The following TERF2 variants were observed in gnomAD, a reference collection of about 807,000 sequenced individuals.
TERF2 encodes telomeric repeat binding factor 2.
In TERF2, 16 loss-of-function variants were observed where a neutral mutation model predicts 56.1. The observed-to-expected ratio is 0.29, with a 90% CI of 0.19 to 0.43. TERF2 has a LOEUF of 0.43. Among genes scored for constraint, TERF2 ranks in the 20% least tolerant of loss-of-function variants. The probability of loss-of-function intolerance (pLI) is 1.00; values close to 1 mark genes in which losing one functional copy is unlikely to be tolerated. For synonymous variants in TERF2, 296 were observed against 282.1 expected (o/e 1.05, Z -0.50); for missense variants, 547 against 712.9 (o/e 0.77, Z 2.65).
At chr16:69,373,147 A>C (rs2013640088) in intron 3 of TERF2, among the ~76,000 whole-genome samples, 1 of 152,212 alleles carries the variant, frequency 6.6e-6, no homozygotes, top group Non-Finnish European at 1.5e-5. Context: ...GTTCTGTAGG[A>C]GAATGAAGGG....
chr16:69,370,570 G>T lies in TERF2; in HGVS notation c.753C>A (p.Ile251=). ...IREKNLAHPV[I]QNFSYETFQQ... ...GGAAGGTCTCATATGAAAAGTTCTG[G>T]ATAACAGGATGGGCCAAGTTCTTTT... The change falls in exon 5 of 10, where the codon ATC becomes ATA. Residue 251 remains isoleucine, a synonymous_variant. Transcript: ENST00000254942. 1 of 1,614,108 alleles carries T rather than the reference G, an allele frequency of 6.2e-7. No individual in the cohort carries two copies. The highest frequency in any genetic ancestry group is 1.7e-4 in the Middle Eastern group (1 of 6,044).
At chr16:69,380,005 C>T (rs1160281940) in intron 3 of TERF2, among the ~76,000 whole-genome samples, 1 of 152,020 alleles carries the variant, frequency 6.6e-6, no homozygotes, top group African/African-American at 2.4e-5. Flanking sequence ...TCCTCGCCTC[C>T]TGGGTTCAAG....
At chr16:69,357,476 C>G (rs1475250584) in intron 9 of TERF2, 42 bp downstream of exon 9, 4 of 1,566,436 alleles carry the variant, frequency 2.6e-6, no homozygotes, top group Non-Finnish European at 3.5e-6. Context: ...TACCTCTGCT[C>G]TACCCACATA....
rs965670502 is a variant in TERF2 at position 69,367,067 on chromosome 16, T to G, written c.1080A>C (p.Gln360His). The change falls in exon 7 of 10, where the codon CAA becomes CAC. Residue 360 changes from glutamine (Q) to histidine (H), a missense_variant. This residue lies in a region of TERF2 where 211 missense variants were observed against 236.8 expected (regional missense o/e 0.89). Coordinates refer to ENST00000254942, the MANE Select transcript of TERF2 (RefSeq NM_005652.5). ...LDQKDLVLPT[Q>H]ALPASPALKN... ...TGAGGGCTGGTGATGCTGGGAGAGC[T>G]TGAGTAGGAAGAACCAGATCCTTCT... 2.5e-6 allele frequency: 4 copies of G among 1,614,034 alleles called. No individual in the cohort carries two copies. Among genetic ancestry groups the G allele is most frequent in the African/African-American group, 1.3e-5 (1 of 74,920 alleles).
chr16:69,366,967 G>C lies in TERF2; in HGVS notation c.1180C>G (p.Pro394Ala). ...CTTATTGTCATGCGCTTGTTCTTGG[G>C]CTGCAGTTCCGAGCCACCCTCACCG... The part of the protein sequence containing the change: ...ADGEGGSELQ[P>A]KNKRMTISRL... Residue 394 changes from proline to alanine, a missense_variant, in exon 7 of 10, where the codon CCC (proline) becomes GCC (alanine). Pro to Ala is a conservative substitution (Grantham distance 27). Coordinates refer to ENST00000254942, the MANE Select transcript of TERF2 (RefSeq NM_005652.5). The C allele has an allele frequency of 6.2e-7, 1 of 1,614,196 alleles. No homozygotes were observed. Among genetic ancestry groups the C allele is most frequent in the Non-Finnish European group, 8.5e-7 (1 of 1,180,040 alleles).
intron 2 of TERF2, 73 bp from the exon 3 acceptor site, chr16:69,384,783 T>C (rs1451561663): frequency 7.5e-6 from 10 of 1,337,580 alleles, no homozygotes; most frequent in Non-Finnish European, 1.0e-5. Flanking sequence ...AAATTATATA[T>C]ATATATTTAT....
At chr16:69,365,879 T>C (rs1179650839) in intron 7 of TERF2, 1 of 152,204 alleles carries the variant, frequency 6.6e-6, no homozygotes, top group Non-Finnish European at 1.5e-5. Context: ...ATACAGGCCA[T>C]GGGCTTTTCT....
At chr16:69,381,461 T>G (rs2013996386) in intron 3 of TERF2, among the ~76,000 whole-genome samples, 4 of 152,148 alleles carry the variant, frequency 2.6e-5, no homozygotes. Flanking sequence ...CAGAAACATT[T>G]TAGTCATACT....
intron 3 of TERF2, among the ~76,000 whole-genome samples, chr16:69,377,017 A>G (rs1004118659): frequency 2.0e-5 from 3 of 151,996 alleles, no homozygotes; most frequent in Non-Finnish European, 4.4e-5. Flanking sequence ...TCTGGCCAAC[A>G]TGGTGAAACC....
chr16:69,385,943 G>C lies in TERF2; in HGVS notation c.29C>G (p.Pro10Arg). The change falls in exon 1 of 10, where the codon CCC (proline) becomes CGC (arginine). Residue 10 changes from proline (P) to arginine (R), a missense_variant. Around this residue, in one of 6 missense-constraint regions of TERF2, gnomAD observed 85 missense variants for 59.5 expected, o/e 1.43. Coordinates refer to ENST00000254942, the MANE Select transcript of TERF2 (RefSeq NM_005652.5). MAAGAGTAG[P>R]ASGPGVVRDP... The stretch of plus-strand genomic sequence containing the variant: ...ACGCACGACGCCCGGGCCGGAAGCG[G>C]GGCCCGCCGTCCCGGCTCCCGCGGC... 1.1e-5 allele frequency: 15 copies of C among 1,364,428 alleles called. No homozygotes were observed. Among genetic ancestry groups the C allele is most frequent in the Non-Finnish European group, 1.4e-5 (15 of 1,058,304 alleles). 84.5% of individuals were successfully genotyped at this position (1,364,428 alleles called of 1,614,324 possible). A position where few individuals can be genotyped will look rare whatever the true frequency, so the allele number is the denominator to read the frequency against.
At chr16:69,369,864 C>G (rs767356412) in intron 5 of TERF2, among the ~76,000 whole-genome samples, 1 of 152,188 alleles carries the variant, frequency 6.6e-6, no homozygotes, top group Non-Finnish European at 1.5e-5. Flanking sequence ...CACCCTTCCT[C>G]CAAACTTAGT....
chr16:69,378,238 C>G (rs1422098919), intron 3 of TERF2, among the ~76,000 whole-genome samples: 1 of 152,070 alleles, frequency 6.6e-6, no homozygotes, highest in African/African-American at 2.4e-5. Context: ...TTTGGTTTCC[C>G]CACTCTGTCA....
chr16:69,358,556 CAT>C (rs2013006956), intron 8 of TERF2, among the ~76,000 whole-genome samples: 1 of 152,326 alleles, frequency 6.6e-6, no homozygotes, highest in African/African-American at 2.4e-5. Flanking sequence ...TATATACAGT[CAT>C]ATGTTGCTTA....
chr16:69,359,627 A>ATTTTTTTTTT lies in TERF2; in HGVS notation c.1426+1767_1426+1776dup, dbSNP rs564611021. Among the ~76,000 whole-genome samples, 4 of 72,588 alleles carry ATTTTTTTTTT rather than the reference A, an allele frequency of 5.5e-5. 1 individual carries two copies. Among genetic ancestry groups the ATTTTTTTTTT allele is most frequent in the Admixed American group, 3.2e-4 (2 of 6,188 alleles). 47.6% of individuals were successfully genotyped at this position (72,588 alleles called of 152,430 possible). ...AATCTTCCTCTTACTATCATTCCCA[A>ATTTTTTTTTT]TTTTTTTTTTTTTTTTTTTTTTTTT... On this transcript the variant is annotated intron_variant, in intron 8 of 9. Transcript: ENST00000254942.
intron 3 of TERF2, among the ~76,000 whole-genome samples, chr16:69,376,897 GAAAAGA>G (rs1306337710): frequency 6.9e-6 from 1 of 145,954 alleles, no homozygotes; most frequent in Admixed American, 6.9e-5. Flanking sequence ...AAAAGACAAA[GAAAAGA>G]AAGAAAATCC....
intron 8 of TERF2, among the ~76,000 whole-genome samples, chr16:69,357,885 G>A (rs1164923829): frequency 8.3e-5 from 11 of 132,984 alleles, no homozygotes; most frequent in Non-Finnish European, 1.5e-4. Context: ...GTCTTGCTCC[G>A]TTCCCCAGGC....
At chr16:69,383,826 A>C (rs1278102881) in intron 3 of TERF2, among the ~76,000 whole-genome samples, 4 of 151,998 alleles carry the variant, frequency 2.6e-5, no homozygotes, top group African/African-American at 9.7e-5. Context: ...ATTTTCTACC[A>C]CCAGGGCAAT....
intron 2 of TERF2, among the ~76,000 whole-genome samples, chr16:69,385,114 C>T (rs771633468): frequency 2.0e-5 from 3 of 151,970 alleles, no homozygotes; most frequent in Admixed American, 6.6e-5. Context: ...AAAAGATGTC[C>T]ATATGAACAT....
At chr16:69,377,044 C>T (rs1222283927) in intron 3 of TERF2, among the ~76,000 whole-genome samples, 1 of 150,268 alleles carries the variant, frequency 6.7e-6, no homozygotes, top group African/African-American at 2.4e-5. Context: ...CTACTAAAAA[C>T]ACACAAAAAT....
Sources: allele counts gnomAD v4.1 joint callset (sites outside exome capture counted in the v4.1 genomes callset), GRCh38; gene constraint gnomAD v4.1.1; regional missense constraint gnomAD v4.1.1; transcripts MANE v1.5; gene names NCBI Gene and HGNC (gene_info 2026-07-23, HGNC 2026-07-21).